The following NALCN variants were observed in gnomAD, a reference collection of about 807,000 sequenced individuals.
The protein encoded by NALCN is sodium leak channel NALCN.
Under a neutral mutation model 225.3 loss-of-function variants are expected in NALCN, and 111 were observed. That is an observed-to-expected ratio of 0.49 (90% CI 0.42 to 0.58). The LOEUF is 0.58. Among genes scored for constraint, NALCN ranks in the 20% least tolerant of loss-of-function variants. The pLI is 0.00. For synonymous variants in NALCN, 764 were observed against 769.0 expected, an observed-to-expected ratio of 0.99 and a Z score of 0.11; for missense variants, 1,378 against 2,202.4, an observed-to-expected ratio of 0.63 and a Z score of 7.49.
chr13:101,162,222 G>A (rs1260776046), intron 15 of NALCN, among the ~76,000 whole-genome samples: 2 of 152,114 alleles, frequency 1.3e-5, no homozygotes, highest in Non-Finnish European at 2.9e-5. Context: ...TACACAGTTA[G>A]GAATTATTTT....
intron 13 of NALCN, among the ~76,000 whole-genome samples, chr13:101,196,238 AAAAT>A (rs1225247456): frequency 6.6e-5 from 10 of 152,118 alleles, no homozygotes; most frequent in African/African-American, 2.4e-4. Context: ...TCTCATTGGG[AAAAT>A]AAATATATTC....
rs2044686992 is a variant in NALCN, at chr13:101,319,917, G to C, written c.799+25349C>G. Among the ~76,000 whole-genome samples the C allele has an allele frequency of 2.0e-5, 3 of 152,186 alleles. No individual in the cohort carries two copies. In the South Asian group the frequency reaches 6.2e-4, roughly 32 times the overall value. On this transcript the variant is annotated intron_variant, in intron 7 of 43. Transcript: ENST00000251127. ...CTATTCTATTCCCTAAGCATCTGTG[G>C]ATTTTTAAATAGGTCTTTTTCTTTT... is the stretch of plus-strand genomic sequence containing the variant.
chr13:101,349,559 T>C (rs1470593992), intron 6 of NALCN, among the ~76,000 whole-genome samples: 17 of 152,180 alleles, frequency 1.1e-4, no homozygotes, highest in Admixed American at 1.0e-3. Flanking sequence ...GAGAGAGATG[T>C]GAGTATGGGA....
intron 16 of NALCN, 97 bp from the exon 17 acceptor site, chr13:101,143,318 CA>C (rs1359674518): frequency 3.9e-6 from 5 of 1,292,606 alleles, no homozygotes; most frequent in Non-Finnish European, 5.2e-6. Flanking sequence ...AAAGATAAAG[CA>C]GTGATAAAAG....
At chr13:101,162,348 T>C (rs1297646970) in intron 15 of NALCN, among the ~76,000 whole-genome samples, 1 of 152,178 alleles carries the variant, frequency 6.6e-6, no homozygotes, top group Non-Finnish European at 1.5e-5. Context: ...ACTCAAATAT[T>C]TGAAGAATGG....
At chr13:101,119,258 A>T (rs2035858565) in intron 18 of NALCN, among the ~76,000 whole-genome samples, 1 of 152,244 alleles carries the variant, frequency 6.6e-6, no homozygotes, top group Non-Finnish European at 1.5e-5. Context: ...TGATTCTTTT[A>T]AAATGATAAG....
At chr13:101,410,637 C>T (rs1278770100) in intron 1 of NALCN, among the ~76,000 whole-genome samples, 2 of 152,158 alleles carry the variant, frequency 1.3e-5, no homozygotes, top group Admixed American at 6.6e-5. Context: ...TTTAAATTGC[C>T]ATTCAATGCC....
chr13:101,254,521 G>GTTTA (rs998312418), intron 11 of NALCN, among the ~76,000 whole-genome samples: 4 of 152,066 alleles, frequency 2.6e-5, no homozygotes, highest in South Asian at 2.1e-4. Flanking sequence ...CCACTACCTA[G>GTTTA]TTTATTTATT....
intron 7 of NALCN, among the ~76,000 whole-genome samples, chr13:101,300,499 G>C (rs569507301): frequency 3.4e-4 from 52 of 151,082 alleles, no homozygotes; most frequent in African/African-American, 1.2e-3. Context: ...CACCCAGGCT[G>C]GAGTGCAGTG....
At chr13:101,289,438 G>A (rs988917287) in intron 9 of NALCN, among the ~76,000 whole-genome samples, 4 of 151,284 alleles carry the variant, frequency 2.6e-5, no homozygotes, top group East Asian at 3.9e-4. Context: ...ATTTCCTTTC[G>A]CCTCCCTTGA....
intron 37 of NALCN, among the ~76,000 whole-genome samples, chr13:101,070,905 T>C (rs1404983994): frequency 6.6e-6 from 1 of 152,162 alleles, no homozygotes; most frequent in African/African-American, 2.4e-5. Flanking sequence ...TTGGGAGGCC[T>C]CAGGAGATTT....
At position 101,278,686 on chromosome 13, in the gene NALCN, C is replaced by T. The variant is rs376547939; in HGVS notation, c.1134+5247G>A. On this transcript the variant is annotated intron_variant, in intron 10 of 43. Coordinates refer to ENST00000251127, the MANE Select transcript of NALCN (RefSeq NM_052867.4). ...TAACAGAAGTCAGGGTTATGTCCTG[C>T]CAAGGCTCTGCCACCACATATTAGA... Among the ~76,000 whole-genome samples the T allele has an allele frequency of 3.3e-5, 5 of 152,094 alleles. No individual in the cohort carries two copies. In the East Asian group the frequency reaches 9.6e-4, roughly 29 times the overall value.
rs1456417690 is a variant in NALCN at position 101,258,593 on chromosome 13, C to A, written c.1135-19G>T. Reference sequence around the variant, plus strand: ...TCATTTTCTGAGGGGGCGAAACAGACAGACTCTTAACAAAGAAATAAACCT... The same window carrying A: ...TCATTTTCTGAGGGGGCGAAACAGAAAGACTCTTAACAAAGAAATAAACCT... On this transcript the variant is annotated intron_variant, in intron 10 of 43. Transcript: ENST00000251127. The A allele has an allele frequency of 6.2e-7, 1 of 1,614,052 alleles. No individual in the cohort carries two copies. The highest frequency in any genetic ancestry group is 1.7e-5 in the Admixed American group (1 of 60,012).
chr13:101,076,074 TA>T, intron 34 of NALCN, 133 bp from the exon 35 acceptor site: 1 of 596,516 alleles, frequency 1.7e-6, no homozygotes, highest in Non-Finnish European at 2.7e-6. Context: ...GAAAGTGATC[TA>T]AAAAAGGTGC....
rs146185361 is a variant in NALCN, at chr13:101,195,873, T to C, written c.1627-3819A>G. 1.3e-3 allele frequency among the ~76,000 whole-genome samples: 192 copies of C among 152,324 alleles called. 1 individual carries two copies. Among genetic ancestry groups the C allele is most frequent in the Non-Finnish European group, 2.4e-3 (163 of 68,030 alleles). On this transcript the variant is annotated intron_variant, in intron 13 of 43. Transcript: ENST00000251127. ...CTCTTCTCTCTGCTTTCATTTTCCA[T>C]CTCGTGTCATGTATACATTTATATC...
chr13:101,287,045 T>A (rs1408888951), intron 9 of NALCN, among the ~76,000 whole-genome samples: 1 of 152,198 alleles, frequency 6.6e-6, no homozygotes. Context: ...TGCTAGAGAC[T>A]AAGATTGTTT....
chr13:101,080,801 A>G (rs1019528100), intron 34 of NALCN, among the ~76,000 whole-genome samples: 4 of 150,094 alleles, frequency 2.7e-5, no homozygotes, highest in Non-Finnish European at 5.9e-5. Context: ...TTTAATAGTT[A>G]TATTTTCTAA....
intron 13 of NALCN, among the ~76,000 whole-genome samples, chr13:101,210,555 CG>C (rs1246802019): frequency 2.0e-5 from 3 of 151,914 alleles, no homozygotes; most frequent in African/African-American, 7.3e-5. Context: ...TCTGGAAAGT[CG>C]CAAAAGACTG....
chr13:101,090,035 C>A (rs776171807), intron 28 of NALCN, 69 bp from the exon 29 acceptor site: 1 of 1,603,706 alleles, frequency 6.2e-7, no homozygotes, highest in Non-Finnish European at 8.5e-7. Flanking sequence ...ATATCTGTAG[C>A]CCTTTCCAGT....
Sources: gnomAD v4.1 joint callset for allele counts (sites outside exome capture counted in the v4.1 genomes callset) on GRCh38, gnomAD v4.1.1 for gene constraint, MANE v1.5 for transcripts, NCBI Gene and HGNC (gene_info 2026-07-23, HGNC 2026-07-21) for gene names.